The following TARBP1 variants were observed in gnomAD, a reference collection of about 807,000 sequenced individuals.
TARBP1 encodes tRNA guanosine 2 -O-methyltransferase TARBP1.
Under a neutral mutation model 178.6 loss-of-function variants are expected in TARBP1, and 144 were observed. The ratio of observed to expected loss-of-function variants is 0.81; its 90% CI spans 0.70 to 0.93. The LOEUF (loss-of-function observed/expected upper bound fraction) is 0.93, where lower values mean the gene tolerates loss of function less well. TARBP1 is among the 40% of genes least tolerant of loss of function. TARBP1 has a pLI of 0.00. For missense variants in TARBP1, 2,067 were observed against 2,011.7 expected (o/e 1.03, Z -0.53); for synonymous variants, 787 against 781.0 (o/e 1.01, Z -0.13).
chr1:234,393,691 G>A lies in TARBP1; in HGVS notation c.4390C>T (p.Leu1464Phe), dbSNP rs1659638624. 1 of 1,613,866 alleles carries A rather than the reference G, an allele frequency of 6.2e-7. No homozygotes were observed. The highest frequency in any genetic ancestry group is 1.1e-5 in the South Asian group (1 of 91,080). ...TCGATGAGCGAGGCCACAACGATGA[G>A]TCTACTAATTGACTTTCCAAGTCTG... ...AARLGKSISR[L>F]IVVASLIDKP... Residue 1464 changes from leucine (L) to phenylalanine (F), a missense_variant, in exon 27 of 30, where the codon CTC (leucine) becomes TTC (phenylalanine). Coordinates refer to ENST00000040877, the MANE Select transcript of TARBP1 (RefSeq NM_005646.4).
At chr1:234,453,931 A>T (rs1667038899) in intron 9 of TARBP1, among the ~76,000 whole-genome samples, 1 of 152,190 alleles carries the variant, frequency 6.6e-6, no homozygotes, top group South Asian at 2.1e-4. Flanking sequence ...ATTAGGAGAC[A>T]GGCAAAACAA....
chr1:234,432,750 G>A (rs1324413263), intron 14 of TARBP1, among the ~76,000 whole-genome samples: 1 of 152,090 alleles, frequency 6.6e-6, no homozygotes, highest in Non-Finnish European at 1.5e-5. Flanking sequence ...AGCCTAGAGT[G>A]GCTGCAACGT....
At chr1:234,477,068 C>A (rs183965704) in intron 1 of TARBP1, among the ~76,000 whole-genome samples, 4 of 152,268 alleles carry the variant, frequency 2.6e-5, no homozygotes, top group Admixed American at 2.0e-4. Flanking sequence ...GCCTGTAATC[C>A]CAGCTACTCT....
At chr1:234,445,198 T>C (rs1294505375) in intron 12 of TARBP1, among the ~76,000 whole-genome samples, 10 of 152,138 alleles carry the variant, frequency 6.6e-5, no homozygotes, top group Non-Finnish European at 1.2e-4. Context: ...CGTTCTTCGC[T>C]GGCTTCCTGG....
intron 22 of TARBP1, among the ~76,000 whole-genome samples, chr1:234,411,845 A>T (rs760221397): frequency 1.3e-5 from 2 of 152,212 alleles, no homozygotes; most frequent in Non-Finnish European, 2.9e-5. Flanking sequence ...GATAAATGCC[A>T]GACAGATTGG....
intron 24 of TARBP1, chr1:234,405,612 A>G: frequency 3.1e-6 from 1 of 324,602 alleles, no homozygotes; most frequent in Non-Finnish European, 5.6e-6. Flanking sequence ...ACAAAGGATG[A>G]CATTTAGCTA....
intron 23 of TARBP1, among the ~76,000 whole-genome samples, chr1:234,408,168 A>C (rs753794322): frequency 6.6e-6 from 1 of 152,132 alleles, no homozygotes; most frequent in Non-Finnish European, 1.5e-5. Flanking sequence ...AGCTGACAGG[A>C]CAATACACAA....
At chr1:234,449,284 C>T (rs979750314) in intron 10 of TARBP1, among the ~76,000 whole-genome samples, 6 of 152,118 alleles carry the variant, frequency 3.9e-5, no homozygotes, top group African/African-American at 1.2e-4. Context: ...GGAATATATA[C>T]AAAGAAGTGG....
intron 6 of TARBP1, among the ~76,000 whole-genome samples, chr1:234,461,283 AT>A (rs1376470574): frequency 6.6e-6 from 1 of 151,908 alleles, no homozygotes; most frequent in Non-Finnish European, 1.5e-5. Flanking sequence ...ATGAAGCTGT[AT>A]TTTTTTAAAA....
intron 25 of TARBP1, chr1:234,400,122 C>A (rs1660536371): frequency 6.6e-6 from 1 of 151,414 alleles, no homozygotes; most frequent in African/African-American, 2.4e-5. Context: ...TTTATTTACA[C>A]ATACACCTTT....
chr1:234,433,688 A>C (rs1664711248), intron 13 of TARBP1, 117 bp from the exon 14 acceptor site: 1 of 986,902 alleles, frequency 1.0e-6, no homozygotes, highest in South Asian at 1.7e-5. Context: ...ACTGATGAGA[A>C]AATAAGTTCT....
At chr1:234,464,012 C>A in intron 5 of TARBP1, 78 bp from the exon 6 acceptor site, 1 of 797,496 alleles carries the variant, frequency 1.3e-6, no homozygotes, top group Non-Finnish European at 1.8e-6. Flanking sequence ...CTAAATGGAC[C>A]ATGGCCCAAA....
chr1:234,453,210 T>TC (rs1255442309), intron 9 of TARBP1, among the ~76,000 whole-genome samples: 1 of 152,020 alleles, frequency 6.6e-6, no homozygotes, highest in African/African-American at 2.4e-5. Context: ...AATATGGGGG[T>TC]CATCAATTGT....
chr1:234,408,754 C>A (rs1050169681), intron 23 of TARBP1, among the ~76,000 whole-genome samples: 1 of 152,174 alleles, frequency 6.6e-6, no homozygotes, highest in African/African-American at 2.4e-5. Context: ...TTCCCCCTCC[C>A]ACCAAATTAT....
In TARBP1 at chr1:234,478,702, C is replaced by T; in HGVS notation, c.402G>A (p.Ala134=). Residue 134 remains alanine, a synonymous_variant, in exon 1 of 30, where the codon GCG becomes GCA. Coordinates refer to ENST00000040877, the MANE Select transcript of TARBP1 (RefSeq NM_005646.4). ...ALRDLLAGWR[A]PGAEAAVEVL... is the part of the protein sequence containing the mutation. ...CTTCCACGGCAGCCTCGGCGCCAGG[C>T]GCGCGCCACCCGGCGAGCAGATCGC... is the stretch of plus-strand genomic sequence containing the variant. 8.3e-7 allele frequency: 1 copy of T among 1,211,546 alleles called. No individual in the cohort carries two copies. Among genetic ancestry groups the T allele is most frequent in the Non-Finnish European group, 1.0e-6 (1 of 974,962 alleles). The allele number at this position is 1,211,546 out of a possible 1,614,324, so 75.0% of individuals were successfully genotyped here.
chr1:234,416,572 T>C (rs1391681594), intron 22 of TARBP1, among the ~76,000 whole-genome samples: 1 of 152,164 alleles, frequency 6.6e-6, no homozygotes, highest in South Asian at 2.1e-4. Flanking sequence ...GTTGGGATTA[T>C]AGGCATGAGC....
At chr1:234,416,594 G>A (rs1045131063) in intron 22 of TARBP1, among the ~76,000 whole-genome samples, 1 of 152,180 alleles carries the variant, frequency 6.6e-6, no homozygotes, top group African/African-American at 2.4e-5. Context: ...GCCACTCCTG[G>A]CCAAAGCATT....
chr1:234,457,596 A>G, intron 9 of TARBP1, 71 bp downstream of exon 9: 1 of 942,166 alleles, frequency 1.1e-6, no homozygotes, highest in Admixed American at 2.7e-5. Flanking sequence ...ATAAATGGCT[A>G]CTAAGAAATT....
At chr1:234,394,605 G>T (rs371698430) in intron 26 of TARBP1, among the ~76,000 whole-genome samples, 1 of 152,200 alleles carries the variant, frequency 6.6e-6, no homozygotes, top group African/African-American at 2.4e-5. Flanking sequence ...GAAGCAAAGG[G>T]TAAGACCCCG....
Sources: allele counts gnomAD v4.1 joint callset (sites outside exome capture counted in the v4.1 genomes callset), GRCh38; gene constraint gnomAD v4.1.1; transcripts MANE v1.5; gene names NCBI Gene and HGNC (gene_info 2026-07-23, HGNC 2026-07-21).